Variants in DNER observed in about 807,000 individuals in gnomAD.
The protein encoded by DNER is delta and Notch-like epidermal growth factor-related receptor.
DNER carries 33 observed loss-of-function variants against 78.2 expected under a neutral mutation model. That is an observed-to-expected ratio of 0.42 (90% CI 0.32 to 0.56). The LOEUF (loss-of-function observed/expected upper bound fraction) is 0.56. DNER is among the 20% of genes least tolerant of loss of function. The pLI is 0.11. For missense variants in DNER, 918 were observed against 975.3 expected, an observed-to-expected ratio of 0.94 and a Z score of 0.78; for synonymous variants, 417 against 384.8, an observed-to-expected ratio of 1.08 and a Z score of -0.98.
At chr2:229,524,007 T>A (rs555880262) in intron 5 of DNER, among the ~76,000 whole-genome samples, 1 of 152,252 alleles carries the variant, frequency 6.6e-6, no homozygotes, top group Admixed American at 6.5e-5. Flanking sequence ...AATGCAGTTA[T>A]CCTCATAGCT....
intron 4 of DNER, among the ~76,000 whole-genome samples, chr2:229,571,741 CT>C (rs951722589): frequency 5.9e-5 from 9 of 152,150 alleles, no homozygotes; most frequent in East Asian, 1.9e-4. Flanking sequence ...ACCTCCCCCC[CT>C]GAAACCGTGG....
intron 8 of DNER, among the ~76,000 whole-genome samples, chr2:229,432,721 C>T (rs1021819270): frequency 2.0e-5 from 3 of 152,118 alleles, no homozygotes; most frequent in African/African-American, 7.2e-5. Flanking sequence ...CCCGCTGATT[C>T]AGGGACTCTA....
At chr2:229,396,110 TA>T (rs1203128351) in intron 10 of DNER, among the ~76,000 whole-genome samples, 2 of 152,186 alleles carry the variant, frequency 1.3e-5, no homozygotes, top group African/African-American at 2.4e-5. Flanking sequence ...AACTGGCAAA[TA>T]AAAAATCTTA....
chr2:229,462,780 A>G (rs1694730113), intron 7 of DNER, among the ~76,000 whole-genome samples: 1 of 152,052 alleles, frequency 6.6e-6, no homozygotes, highest in Non-Finnish European at 1.5e-5. Context: ...CTCTAAGCGC[A>G]GCTCACCAGT....
At chr2:229,564,274 C>T (rs1357955635) in intron 4 of DNER, among the ~76,000 whole-genome samples, 1 of 150,188 alleles carries the variant, frequency 6.7e-6, no homozygotes. Flanking sequence ...TCATCATCCT[C>T]CTCACCCCAT....
intron 5 of DNER, among the ~76,000 whole-genome samples, chr2:229,520,956 T>C (rs956626974): frequency 6.6e-6 from 1 of 152,326 alleles, no homozygotes; most frequent in East Asian, 1.9e-4. Flanking sequence ...GCTCAGCCAT[T>C]CCTATGCCAA....
intron 10 of DNER, among the ~76,000 whole-genome samples, chr2:229,401,807 G>C (rs570823571): frequency 2.6e-5 from 4 of 152,214 alleles, no homozygotes; most frequent in East Asian, 1.9e-4. Flanking sequence ...TGCAGGTAAA[G>C]CTTCAATAAT....
chr2:229,586,666 G>A (rs1322024363), intron 3 of DNER: 1 of 983,784 alleles, frequency 1.0e-6, no homozygotes, highest in Non-Finnish European at 1.2e-6. Flanking sequence ...CAGCTACTAC[G>A]AGCTACCCCA....
At chr2:229,364,005 TTTTTTTTTC>T (rs1692280948) in intron 12 of DNER, among the ~76,000 whole-genome samples, 2 of 134,636 alleles carry the variant, frequency 1.5e-5, no homozygotes, top group African/African-American at 3.0e-5. Flanking sequence ...TTTTTTTTTT[TTTTTTTTTC>T]TGAGACAGAG....
At chr2:229,625,516 A>T (rs1698322926) in intron 1 of DNER, among the ~76,000 whole-genome samples, 1 of 152,174 alleles carries the variant, frequency 6.6e-6, no homozygotes, top group Non-Finnish European at 1.5e-5. Flanking sequence ...CCAGAAAACA[A>T]GGGAGACGGA....
At chr2:229,510,229 C>T (rs930991573) in intron 6 of DNER, among the ~76,000 whole-genome samples, 5 of 152,132 alleles carry the variant, frequency 3.3e-5, no homozygotes, top group African/African-American at 4.8e-5. Context: ...CAGAATGAGG[C>T]CAAGGATTTC....
chr2:229,481,520 T>C (rs1026570069), intron 6 of DNER, among the ~76,000 whole-genome samples: 4 of 152,004 alleles, frequency 2.6e-5, no homozygotes, highest in South Asian at 2.1e-4. Flanking sequence ...TTGATATACA[T>C]GTAATACTCT....
chr2:229,658,191 G>A (rs144988029), intron 1 of DNER, among the ~76,000 whole-genome samples: 18 of 152,260 alleles, frequency 1.2e-4, no homozygotes, highest in African/African-American at 4.1e-4. Flanking sequence ...TGAAGATATG[G>A]TGATATCTGA....
chr2:229,706,274 G>T (rs558678712), intron 1 of DNER, among the ~76,000 whole-genome samples: 2 of 152,056 alleles, frequency 1.3e-5, no homozygotes, highest in Non-Finnish European at 2.9e-5. Flanking sequence ...TTTTGGGCCG[G>T]ACACAGTGGC....
intron 1 of DNER, among the ~76,000 whole-genome samples, chr2:229,692,255 T>A (rs1315138935): frequency 6.6e-6 from 1 of 152,242 alleles, no homozygotes; most frequent in Non-Finnish European, 1.5e-5. Flanking sequence ...GCTTCCATTT[T>A]TTTCAACTCT....
intron 7 of DNER, among the ~76,000 whole-genome samples, chr2:229,451,990 G>A (rs938813078): frequency 6.6e-5 from 10 of 152,194 alleles, no homozygotes; most frequent in Admixed American, 2.6e-4. Flanking sequence ...TGGCTTTGGA[G>A]AGAGCCAATA....
At chr2:229,629,448 T>C (rs768456436) in intron 1 of DNER, among the ~76,000 whole-genome samples, 2 of 152,312 alleles carry the variant, frequency 1.3e-5, no homozygotes, top group East Asian at 3.9e-4. Context: ...GGAGACCTCA[T>C]TGGGCAGAAA....
At chr2:229,642,575 G>A (rs1698645490) in intron 1 of DNER, among the ~76,000 whole-genome samples, 1 of 152,228 alleles carries the variant, frequency 6.6e-6, no homozygotes, top group Non-Finnish European at 1.5e-5. Context: ...CCTGACCAGA[G>A]AGGAACAAGA....
rs993626086 is a variant in DNER at position 229,673,192 on chromosome 2, T to C, written c.276+40956A>G. The stretch of plus-strand genomic sequence containing the variant: ...CTCAGATAAGATTCCTGTCCATAAA[T>C]TCTTTGAACTGAATCAAAATAAATG... On this transcript the variant is annotated intron_variant, in intron 1 of 12. Transcript: ENST00000341772. 1.6e-4 allele frequency among the ~76,000 whole-genome samples: 25 copies of C among 152,318 alleles called. 1 individual carries two copies. Among genetic ancestry groups the C allele is most frequent in the South Asian group, 1.0e-3 (5 of 4,828 alleles).
Sources: gnomAD v4.1 joint callset for allele counts (sites outside exome capture counted in the v4.1 genomes callset) on GRCh38, gnomAD v4.1.1 for gene constraint, MANE v1.5 for transcripts, NCBI Gene and HGNC (gene_info 2026-07-23, HGNC 2026-07-21) for gene names.